DOCK3: variants seen among roughly 807,000 people sequenced by gnomAD.
The protein encoded by DOCK3 is dedicator of cytokinesis 3.
Under a neutral mutation model 265.6 loss-of-function variants are expected in DOCK3, and 60 were observed. The observed-to-expected ratio is 0.23, with a 90% CI of 0.18 to 0.28. DOCK3 has a LOEUF of 0.28. Among genes scored for constraint, DOCK3 ranks in the 10% least tolerant of loss-of-function variants. The pLI, the probability that DOCK3 is intolerant of heterozygous loss-of-function variation, is 1.00. For synonymous variants in DOCK3, 881 were observed against 938.0 expected, an observed-to-expected ratio of 0.94 and a Z score of 1.11; for missense variants, 1,981 against 2,594.3, an observed-to-expected ratio of 0.76 and a Z score of 5.14.
intron 5 of DOCK3, among the ~76,000 whole-genome samples, chr3:51,047,190 A>G (rs964505656): frequency 1.4e-5 from 2 of 142,540 alleles, no homozygotes; most frequent in Admixed American, 7.4e-5. Context: ...GAGCAGAGAC[A>G]TAGGTGGGAA....
At chr3:51,099,070 G>A (rs1290170337) in intron 9 of DOCK3, among the ~76,000 whole-genome samples, 1 of 152,174 alleles carries the variant, frequency 6.6e-6, no homozygotes, top group African/African-American at 2.4e-5. Flanking sequence ...TTTTTCATCA[G>A]TATATTTTGT....
intron 1 of DOCK3, among the ~76,000 whole-genome samples, chr3:50,721,960 C>A: frequency 6.6e-6 from 1 of 152,110 alleles, no homozygotes; most frequent in East Asian, 1.9e-4. Flanking sequence ...GAGTTTACAT[C>A]CACCTGGCAA....
Position 51,360,542 on chromosome 3 carries a change from C to T in DOCK3, c.4916C>T (p.Ala1639Val), listed in dbSNP as rs1159912553. The T allele has an allele frequency of 6.2e-7, 1 of 1,612,512 alleles. No individual in the cohort carries two copies. Among genetic ancestry groups the T allele is most frequent in the South Asian group, 1.1e-5 (1 of 90,718 alleles). ...EFPGLDKLSP[A>V]CSGTSTPRGN... ...CCAGGTTTGGATAAGCTAAGTCCTG[C>T]ATGTTCAGGCACCAGCACCCCACGG... Residue 1639 changes from alanine to valine, a missense_variant, in exon 47 of 53, where the codon GCA (alanine) becomes GTA (valine). Physicochemically the swap from Ala to Val is moderately conservative, Grantham distance 64. Coordinates refer to ENST00000266037, the MANE Select transcript of DOCK3 (RefSeq NM_004947.5).
At chr3:50,861,241 A>G (rs997146484) in intron 3 of DOCK3, among the ~76,000 whole-genome samples, 8 of 151,576 alleles carry the variant, frequency 5.3e-5, no homozygotes, top group Non-Finnish European at 1.0e-4. Flanking sequence ...ATTAATCCCA[A>G]TGTGAGTACC....
intron 4 of DOCK3, among the ~76,000 whole-genome samples, chr3:50,917,845 G>T (rs899563973): frequency 2.0e-5 from 3 of 151,922 alleles, no homozygotes; most frequent in Non-Finnish European, 4.4e-5. Flanking sequence ...GTGACATGTT[G>T]GTGTGCTGCA....
At chr3:51,270,763 A>C (rs1400413738) in intron 23 of DOCK3, 52 bp from the exon 24 acceptor site, 5 of 1,545,608 alleles carry the variant, frequency 3.2e-6, no homozygotes, top group African/African-American at 1.4e-5. Flanking sequence ...AGCATGAAAG[A>C]TAGACACACA....
rs147814820 is a variant in DOCK3 at position 51,253,650 on chromosome 3, G to A, written c.2185-6506G>A. Among the ~76,000 whole-genome samples, 265 of 152,200 alleles carry A rather than the reference G, an allele frequency of 1.7e-3. 1 individual carries two copies. The highest frequency in any genetic ancestry group is 5.6e-3 in the African/African-American group (234 of 41,546). ...CTTCTAGATTTTCTAGTTTATTTGC[G>A]TAGAGGTGCTTCTGGTATTCTCTGA... On this transcript the variant is annotated intron_variant, in intron 22 of 52. Coordinates refer to ENST00000266037, the MANE Select transcript of DOCK3 (RefSeq NM_004947.5).
In DOCK3 at chr3:50,937,313, G is replaced by A. The variant is rs538003541; in HGVS notation, c.315+3236G>A. Among the ~76,000 whole-genome samples, 23 of 150,340 alleles carry A rather than the reference G, an allele frequency of 1.5e-4. 1 individual carries two copies. The highest frequency in any genetic ancestry group is 1.3e-3 in the Admixed American group (20 of 15,084). ...AAAAAAAAAATTTATAAAGTGGAGA[G>A]GGAAAAGGACATAAATTATAATAGG... On this transcript the variant is annotated intron_variant, in intron 5 of 52. Coordinates refer to ENST00000266037, the MANE Select transcript of DOCK3 (RefSeq NM_004947.5).
chr3:51,357,356 T>G (rs2086432723), intron 44 of DOCK3, among the ~76,000 whole-genome samples: 1 of 152,196 alleles, frequency 6.6e-6, no homozygotes, highest in Non-Finnish European at 1.5e-5. Flanking sequence ...CTCTGAACTC[T>G]AAGATGGGTA....
chr3:51,368,609 G>C (rs951042425), intron 49 of DOCK3, among the ~76,000 whole-genome samples: 2 of 152,266 alleles, frequency 1.3e-5, no homozygotes, highest in African/African-American at 2.4e-5. Context: ...GCCTGCCTCT[G>C]TAGCCTCCAC....
chr3:50,805,487 C>T (rs1261058750), intron 2 of DOCK3, among the ~76,000 whole-genome samples: 1 of 152,178 alleles, frequency 6.6e-6, no homozygotes, highest in East Asian at 1.9e-4. Flanking sequence ...GTGGACATAC[C>T]TTCCAGGAAT....
intron 4 of DOCK3, among the ~76,000 whole-genome samples, chr3:50,895,143 G>A (rs1003788216): frequency 6.1e-5 from 9 of 147,784 alleles, no homozygotes; most frequent in Middle Eastern, 3.5e-3. Flanking sequence ...ACATAAAAGA[G>A]TAATCTTAGT....
At chr3:50,949,845 A>G (rs1013991371) in intron 5 of DOCK3, among the ~76,000 whole-genome samples, 3 of 151,946 alleles carry the variant, frequency 2.0e-5, no homozygotes, top group Admixed American at 2.0e-4. Flanking sequence ...ACTTGTGTCT[A>G]TTTTAGTAAC....
Position 51,374,452 on chromosome 3 carries a change from T to A in DOCK3, c.5294-17T>A. 2 of 1,606,170 alleles carry A rather than the reference T, an allele frequency of 1.2e-6. No individual in the cohort carries two copies. The highest frequency in any genetic ancestry group is 1.7e-6 in the Non-Finnish European group (2 of 1,176,182). On this transcript the variant is annotated splice_polypyrimidine_tract_variant and intron_variant, in intron 49 of 52. Coordinates refer to ENST00000266037, the MANE Select transcript of DOCK3 (RefSeq NM_004947.5). This position sits in a 1 kb window ranked among gnomAD's most constrained non-coding sequence, Gnocchi z 4.8. Reference sequence around the variant, plus strand: ...GTGGCTTGTCATCTGTGCTTGATTGTTCTCACTTGGTTACAGGCTCTCCCT... The same window carrying A: ...GTGGCTTGTCATCTGTGCTTGATTGATCTCACTTGGTTACAGGCTCTCCCT...
At chr3:51,277,082 G>A (rs988389403) in intron 25 of DOCK3, among the ~76,000 whole-genome samples, 2 of 152,246 alleles carry the variant, frequency 1.3e-5, no homozygotes, top group South Asian at 2.1e-4. Flanking sequence ...AGTCCCGGCT[G>A]GCAAAAATTG....
Position 51,033,479 on chromosome 3 carries a change from T to C in DOCK3, c.316-30969T>C, listed in dbSNP as rs557811969. The stretch of plus-strand genomic sequence containing the variant: ...CTTCAGGATCATACTGATAAAGCCA[T>C]GTTTTATCTCCTGTTAACAATTATT... On this transcript the variant is annotated intron_variant, in intron 5 of 52. Coordinates refer to ENST00000266037, the MANE Select transcript of DOCK3 (RefSeq NM_004947.5). 4.6e-5 allele frequency among the ~76,000 whole-genome samples: 7 copies of C among 152,346 alleles called. No individual in the cohort carries two copies. The East Asian group carries it at 1.3e-3, about 29-fold the overall frequency.
chr3:50,904,988 A>G (rs1021061443), intron 4 of DOCK3, among the ~76,000 whole-genome samples: 13 of 152,136 alleles, frequency 8.5e-5, no homozygotes, highest in African/African-American at 2.9e-4. Context: ...ATGGCTAGCC[A>G]GTTTTCCCAG....
chr3:50,869,569 G>T (rs556546475), intron 3 of DOCK3, among the ~76,000 whole-genome samples: 1 of 151,050 alleles, frequency 6.6e-6, no homozygotes, highest in Admixed American at 6.6e-5. Context: ...ATGGGGTTTT[G>T]CCGTGTTGGC....
chr3:51,176,485 G>A (rs1214849063), intron 12 of DOCK3, among the ~76,000 whole-genome samples: 2 of 152,074 alleles, frequency 1.3e-5, no homozygotes, highest in African/African-American at 2.4e-5. Flanking sequence ...AATTAGCCAA[G>A]CGTGGTGGCG....
Sources: gnomAD v4.1 joint callset for allele counts (sites outside exome capture counted in the v4.1 genomes callset) on GRCh38, gnomAD v4.1.1 for gene constraint, Gnocchi (gnomAD v3.1) non-coding constraint, MANE v1.5 for transcripts, NCBI Gene and HGNC (gene_info 2026-07-23, HGNC 2026-07-21) for gene names.